Variants in ENTPD1 observed in about 807,000 individuals in gnomAD.
ENTPD1 encodes the protein ATP diphosphohydrolase.
Under a neutral mutation model 57.0 loss-of-function variants are expected in ENTPD1, and 33 were observed. That is an observed-to-expected ratio of 0.58 (90% CI 0.44 to 0.77). The LOEUF (loss-of-function observed/expected upper bound fraction) is 0.77. Ranked by LOEUF, ENTPD1 falls within the 30% of genes least tolerant of loss-of-function variation. The pLI, the probability that ENTPD1 is intolerant of heterozygous loss-of-function variation, is 0.00. For missense variants in ENTPD1, 501 were observed against 603.4 expected (o/e 0.83, Z 1.78); for synonymous variants, 202 against 218.8 (o/e 0.92, Z 0.68).
At chr10:95,754,309 C>CAG (rs2098017236), upstream of ENTPD1, 1 of 54,436 alleles carries the variant, frequency 1.8e-5, no homozygotes, top group African/African-American at 6.7e-5. Flanking sequence ...ACTCTTGTCT[C>CAG]AAAAAAAAAA....
Position 95,876,014 on chromosome 10 carries a change from T to C in ENTPD1, c.*9631T>C. On this transcript the variant is annotated 3_prime_UTR_variant, in exon 10 of 10. Coordinates refer to ENST00000371205, the MANE Select transcript of ENTPD1 (RefSeq NM_001776.6). ...TGAATGGAAGTACAATCTCTTGCTATATGACACAATAATTATTTGCAAAAT... is the reference window on the plus strand; with the variant it reads ...TGAATGGAAGTACAATCTCTTGCTACATGACACAATAATTATTTGCAAAAT... 1.0e-6 allele frequency: 1 copy of C among 985,434 alleles called. No homozygotes were observed. Among genetic ancestry groups the C allele is most frequent in the South Asian group, 4.7e-5 (1 of 21,276 alleles). The allele number at this position is 985,434 out of a possible 1,614,324, so 61.0% of individuals were successfully genotyped here. A position where few individuals can be genotyped will look rare whatever the true frequency, so the allele number is the denominator to read the frequency against.
At chr10:95,747,889 T>G (rs1391942321) in intron 1 of ENTPD1, among the ~76,000 whole-genome samples, 2 of 152,084 alleles carry the variant, frequency 1.3e-5, no homozygotes, top group East Asian at 1.9e-4. Flanking sequence ...TTTTTTTTTT[T>G]GAAGTGGAGT....
intron 7 of ENTPD1, among the ~76,000 whole-genome samples, chr10:95,859,392 T>C (rs771021709): frequency 1.5e-4 from 23 of 152,242 alleles, no homozygotes; most frequent in Non-Finnish European, 3.1e-4. Context: ...CATTCACTTC[T>C]AGTTAAGTAA....
At chr10:95,790,312 C>A (rs1165899695) in intron 1 of ENTPD1, among the ~76,000 whole-genome samples, 6 of 152,002 alleles carry the variant, frequency 3.9e-5, no homozygotes, top group African/African-American at 1.4e-4. Context: ...AAGAATACAC[C>A]ATATAATACA....
At position 95,869,993 on chromosome 10, in the gene ENTPD1, C is replaced by T. The variant is rs1316968790; in HGVS notation, c.*3610C>T. On this transcript the variant is annotated 3_prime_UTR_variant, in exon 10 of 10. Coordinates refer to ENST00000371205, the MANE Select transcript of ENTPD1 (RefSeq NM_001776.6). ...ACGTAAAGTTAAAGTTTAAAAGACA[C>T]AGGAACTAAGCCCTCATTGTCTTTC... The T allele has an allele frequency of 1.0e-6, 1 of 985,322 alleles. No individual in the cohort carries two copies. The highest frequency in any genetic ancestry group is 1.7e-5 in the African/African-American group (1 of 57,240). 61.0% of individuals were successfully genotyped at this position (985,322 alleles called of 1,614,324 possible).
the ENTPD1 span, among the ~76,000 whole-genome samples, chr10:95,704,546 A>C: frequency 4.5e-3 from 687 of 152,338 alleles, 2 homozygotes; most frequent in Middle Eastern, 0.02. Context: ...CAGTGAGGAA[A>C]GGGTGATTTT....
At chr10:95,695,090 G>C in the ENTPD1 span, among the ~76,000 whole-genome samples, 9 of 151,902 alleles carry the variant, frequency 5.9e-5, no homozygotes, top group African/African-American at 1.9e-4. Context: ...TTTTAGTAGA[G>C]ATGGGGTTTC....
At chr10:95,817,848 T>C (rs931446647) in intron 1 of ENTPD1, among the ~76,000 whole-genome samples, 7 of 152,170 alleles carry the variant, frequency 4.6e-5, no homozygotes, top group African/African-American at 1.2e-4. Context: ...ACCATGAGGA[T>C]AGGGACATTT....
chr10:95,806,719 G>A (rs1232030877), intron 1 of ENTPD1, among the ~76,000 whole-genome samples: 1 of 152,200 alleles, frequency 6.6e-6, no homozygotes, highest in African/African-American at 2.4e-5. Flanking sequence ...CCTTCTGTTT[G>A]TTAGTTTTCC....
Position 95,870,380 on chromosome 10 carries a change from G to C in ENTPD1, c.*3997G>C. ...GCTCACTGCAGCCTCGACCTCCCAA[G>C]CTCAAGCAAGGCTACAGGTGTGCAC... On this transcript the variant is annotated 3_prime_UTR_variant, in exon 10 of 10. Coordinates refer to ENST00000371205, the MANE Select transcript of ENTPD1 (RefSeq NM_001776.6). The C allele has an allele frequency of 1.2e-6, 1 of 829,740 alleles. No homozygotes were observed. The highest frequency in any genetic ancestry group is 1.5e-6 in the Non-Finnish European group (1 of 688,292). The allele number at this position is 829,740 out of a possible 1,614,324, so 51.4% of individuals were successfully genotyped here. A position where few individuals can be genotyped will look rare whatever the true frequency, so the allele number is the denominator to read the frequency against.
At position 95,867,638 on chromosome 10, in the gene ENTPD1, T is replaced by C; in HGVS notation, c.*1255T>C. 1.0e-6 allele frequency: 1 copy of C among 985,458 alleles called. No homozygotes were observed. 61.0% of individuals were successfully genotyped at this position (985,458 alleles called of 1,614,324 possible). On this transcript the variant is annotated 3_prime_UTR_variant, in exon 10 of 10. Coordinates refer to ENST00000371205, the MANE Select transcript of ENTPD1 (RefSeq NM_001776.6). ...TGCTTATTCCATGAAGCAGCAGCTATAGACCTTACCATGGAAACATGAAGA... is the reference window on the plus strand; with the variant it reads ...TGCTTATTCCATGAAGCAGCAGCTACAGACCTTACCATGGAAACATGAAGA...
At chr10:95,742,339 C>T (rs2098001227) in intron 1 of ENTPD1, among the ~76,000 whole-genome samples, 1 of 151,930 alleles carries the variant, frequency 6.6e-6, no homozygotes, top group Non-Finnish European at 1.5e-5. Context: ...GTAACCCCGT[C>T]TGGAGAAGCC....
At chr10:95,735,469 A>T (rs1366824558) in intron 1 of ENTPD1, among the ~76,000 whole-genome samples, 1 of 152,240 alleles carries the variant, frequency 6.6e-6, no homozygotes. Flanking sequence ...ATTTAATCTG[A>T]TTGCCAAAGC....
chr10:95,827,019 T>C (rs186868928), intron 2 of ENTPD1, among the ~76,000 whole-genome samples: 1 of 152,182 alleles, frequency 6.6e-6, no homozygotes, highest in East Asian at 1.9e-4. Context: ...CTGTGCTCAA[T>C]AAAAATATAA....
At chr10:95,806,941 C>G (rs1159167202) in intron 1 of ENTPD1, among the ~76,000 whole-genome samples, 1 of 152,224 alleles carries the variant, frequency 6.6e-6, no homozygotes, top group Non-Finnish European at 1.5e-5. Flanking sequence ...TGGGAGGTGT[C>G]TCCCAGTTAG....
Position 95,867,551 on chromosome 10 carries a change from T to A in ENTPD1, c.*1168T>A. The A allele has an allele frequency of 1.0e-6, 1 of 985,436 alleles. No individual in the cohort carries two copies. The highest frequency in any genetic ancestry group is 1.2e-6 in the Non-Finnish European group (1 of 829,934). 61.0% of individuals were successfully genotyped at this position (985,436 alleles called of 1,614,324 possible). A position where few individuals can be genotyped will look rare whatever the true frequency, so the allele number is the denominator to read the frequency against. The stretch of plus-strand genomic sequence containing the variant: ...TTTGCCCTATCGTGGAATTTACACA[T>A]CAGAATGTGCAGGATCCAAGTCTGA... On this transcript the variant is annotated 3_prime_UTR_variant, in exon 10 of 10. Transcript: ENST00000371205.
At chr10:95,802,632 G>A (rs186044975) in intron 1 of ENTPD1, among the ~76,000 whole-genome samples, 157 of 152,034 alleles carry the variant, frequency 1.0e-3, no homozygotes, top group African/African-American at 3.5e-3. Context: ...GACAGGCCCC[G>A]GTGTGTGATG....
upstream of ENTPD1, among the ~76,000 whole-genome samples, chr10:95,708,313 A>T (rs767943245): frequency 4.6e-5 from 7 of 151,888 alleles, no homozygotes; most frequent in Non-Finnish European, 8.8e-5. Flanking sequence ...TCCCTGGTTC[A>T]AGTGATTCTT....
chr10:95,764,146 C>T (rs1439098527), intron 1 of ENTPD1, among the ~76,000 whole-genome samples: 1 of 152,176 alleles, frequency 6.6e-6, no homozygotes, highest in African/African-American at 2.4e-5. Flanking sequence ...AATGGGCACT[C>T]CCCATTTCCT....
Sources: allele counts gnomAD v4.1 joint callset (sites outside exome capture counted in the v4.1 genomes callset), GRCh38; gene constraint gnomAD v4.1.1; transcripts MANE v1.5; gene names NCBI Gene and HGNC (gene_info 2026-07-23, HGNC 2026-07-21).